The following BAIAP2L1 variants were observed in gnomAD, a reference collection of about 807,000 sequenced individuals.
The protein encoded by BAIAP2L1 is BAR/IMD domain-containing adapter protein 2-like 1.
In BAIAP2L1, 35 loss-of-function variants were observed where a neutral mutation model predicts 66.3. The observed-to-expected ratio is 0.53, with a 90% CI of 0.40 to 0.70. The LOEUF (loss-of-function observed/expected upper bound fraction) is 0.70. BAIAP2L1 is among the 30% of genes least tolerant of loss of function. BAIAP2L1 has a pLI of 0.00. For missense variants in BAIAP2L1, 622 were observed against 656.9 expected, an observed-to-expected ratio of 0.95 and a Z score of 0.58; for synonymous variants, 269 against 248.7, an observed-to-expected ratio of 1.08 and a Z score of -0.77.
At chr7:98,299,252 C>T (rs1357613541) in intron 12 of BAIAP2L1, among the ~76,000 whole-genome samples, 2 of 152,230 alleles carry the variant, frequency 1.3e-5, no homozygotes, top group African/African-American at 4.8e-5. Flanking sequence ...CTCTTGACAT[C>T]AGGTGATCCA....
intron 3 of BAIAP2L1, among the ~76,000 whole-genome samples, chr7:98,338,770 T>C (rs1002573358): frequency 2.6e-5 from 4 of 152,102 alleles, no homozygotes; most frequent in Non-Finnish European, 5.9e-5. Context: ...GCTCTGAACA[T>C]TTGTGGTCAA....
At chr7:98,364,578 C>T (rs978968121) in intron 1 of BAIAP2L1, among the ~76,000 whole-genome samples, 25 of 151,844 alleles carry the variant, frequency 1.6e-4, no homozygotes, top group African/African-American at 5.6e-4. Flanking sequence ...AGAACTAATG[C>T]GTGAGAGGTA....
In BAIAP2L1 at chr7:98,320,046, C is replaced by G. The variant is rs745991682; in HGVS notation, c.348+12G>C. ...GCCCAAGGCTGGGGCTGGAGGAAAA[C>G]CATGCACTTACGTTCATATATTTCA... On this transcript the variant is annotated intron_variant, in intron 5 of 13. Coordinates refer to ENST00000005260, the MANE Select transcript of BAIAP2L1 (RefSeq NM_018842.5). The G allele has an allele frequency of 6.2e-7, 1 of 1,609,684 alleles. No individual in the cohort carries two copies. Among genetic ancestry groups the G allele is most frequent in the Non-Finnish European group, 8.5e-7 (1 of 1,177,446 alleles).
At chr7:98,374,504 C>CT (rs1464743729) in intron 1 of BAIAP2L1, among the ~76,000 whole-genome samples, 2 of 152,120 alleles carry the variant, frequency 1.3e-5, no homozygotes, top group African/African-American at 4.8e-5. Context: ...CCCTACTGTC[C>CT]TTTGCCTTAG....
chr7:98,398,804 AG>A (rs1247723608), intron 1 of BAIAP2L1, among the ~76,000 whole-genome samples: 1 of 152,182 alleles, frequency 6.6e-6, no homozygotes, highest in Non-Finnish European at 1.5e-5. Flanking sequence ...GAAAAAAAGC[AG>A]GGTTTAACTC....
chr7:98,358,458 A>G lies in BAIAP2L1; in HGVS notation c.128-3330T>C, dbSNP rs565455292. 4.6e-5 allele frequency among the ~76,000 whole-genome samples: 7 copies of G among 152,108 alleles called. No individual in the cohort carries two copies. The East Asian group carries it at 1.4e-3, about 29-fold the overall frequency. On this transcript the variant is annotated intron_variant, in intron 2 of 13. Transcript: ENST00000005260. The stretch of plus-strand genomic sequence containing the variant: ...CTGCAGCCTCCACCTCCTGGACTCA[A>G]GCCATCCTCCCACCTCAGCCTCCTG...
rs1345291715 is a variant in BAIAP2L1 at position 98,400,591 on chromosome 7, G to A, written c.51+211C>T. 1.2e-4 allele frequency among the ~76,000 whole-genome samples: 17 copies of A among 137,092 alleles called. 1 individual carries two copies. The highest frequency in any genetic ancestry group is 4.4e-4 in the African/African-American group (16 of 36,346). The allele number at this position is 137,092 out of a possible 152,430, so 89.9% of individuals were successfully genotyped here. On this transcript the variant is annotated intron_variant, in intron 1 of 13. Coordinates refer to ENST00000005260, the MANE Select transcript of BAIAP2L1 (RefSeq NM_018842.5). ...AGGAGGAGGAAAAGTAGGGGGGAGG[G>A]GATGGGGAGGGACTGGGAGGAAGGA...
At chr7:98,312,353 A>C in intron 7 of BAIAP2L1, 89 bp from the exon 8 acceptor site, 1 of 1,400,310 alleles carries the variant, frequency 7.1e-7, no homozygotes, top group Non-Finnish European at 9.6e-7. Flanking sequence ...CTGATAACAG[A>C]TTACTGGCTT....
chr7:98,374,529 T>C (rs182181661), intron 1 of BAIAP2L1, among the ~76,000 whole-genome samples: 108 of 152,298 alleles, frequency 7.1e-4, no homozygotes, highest in Admixed American at 5.7e-3. Flanking sequence ...CAATAGTTCC[T>C]TCAAATGAAT....
rs146240604 is a variant in BAIAP2L1, at chr7:98,327,055, C to A, written c.215-6757G>T. ...ACAATCTGAATCTAATCAGGGAGAT[C>A]TGGTATTTGAAAGTGAGGATCCCGG... is the stretch of plus-strand genomic sequence containing the variant. On this transcript the variant is annotated intron_variant, in intron 3 of 13. Coordinates refer to ENST00000005260, the MANE Select transcript of BAIAP2L1 (RefSeq NM_018842.5). Among the ~76,000 whole-genome samples, 16 of 152,216 alleles carry A rather than the reference C, an allele frequency of 1.1e-4. No homozygotes were observed. In the East Asian group the frequency reaches 2.7e-3, roughly 26 times the overall value.
At chr7:98,325,124 C>T (rs375225498) in intron 3 of BAIAP2L1, among the ~76,000 whole-genome samples, 2 of 152,190 alleles carry the variant, frequency 1.3e-5, no homozygotes, top group Admixed American at 1.3e-4. Flanking sequence ...GTGGCTCACG[C>T]CTGTAATCCT....
At chr7:98,397,170 G>A (rs899744537) in intron 1 of BAIAP2L1, among the ~76,000 whole-genome samples, 20 of 152,024 alleles carry the variant, frequency 1.3e-4, no homozygotes, top group Non-Finnish European at 1.3e-4. Context: ...GGATGGAGGC[G>A]TCTGCAATCT....
Position 98,335,347 on chromosome 7 carries a change from C to T in BAIAP2L1, c.215-15049G>A, listed in dbSNP as rs11979500. On this transcript the variant is annotated intron_variant, in intron 3 of 13. Transcript: ENST00000005260. The stretch of plus-strand genomic sequence containing the variant: ...GACACTCAGTTTCCCTCCACCCCCA[C>T]ATAGGTGGGATCATCTCTTCCTATG... 8.7e-3 allele frequency among the ~76,000 whole-genome samples: 1,320 copies of T among 152,168 alleles called. 19 individuals are homozygous for T. The highest frequency in any genetic ancestry group is 0.03 in the African/African-American group (1,245 of 41,512).
chr7:98,300,173 C>T (rs1800362063), intron 12 of BAIAP2L1, among the ~76,000 whole-genome samples: 1 of 152,222 alleles, frequency 6.6e-6, no homozygotes, highest in Admixed American at 6.6e-5. Context: ...TCCATCTGTG[C>T]TGCTCGTCTC....
At chr7:98,349,538 C>T (rs1449579622) in intron 3 of BAIAP2L1, among the ~76,000 whole-genome samples, 2 of 152,256 alleles carry the variant, frequency 1.3e-5, no homozygotes, top group East Asian at 3.9e-4. Context: ...ACCTGCCAGC[C>T]ATTCAGACAC....
At chr7:98,370,723 G>A (rs376111445) in intron 1 of BAIAP2L1, among the ~76,000 whole-genome samples, 18 of 149,572 alleles carry the variant, frequency 1.2e-4, no homozygotes, top group Admixed American at 7.9e-4. Flanking sequence ...GGATGGTCTC[G>A]ATCTCCTGAC....
intron 3 of BAIAP2L1, among the ~76,000 whole-genome samples, chr7:98,354,036 C>T (rs1046751052): frequency 1.3e-5 from 2 of 152,068 alleles, no homozygotes; most frequent in Non-Finnish European, 2.9e-5. Flanking sequence ...ATCGCTTTCT[C>T]GCAGTACTGA....
At chr7:98,325,508 T>C (rs911240517) in intron 3 of BAIAP2L1, among the ~76,000 whole-genome samples, 4 of 151,988 alleles carry the variant, frequency 2.6e-5, no homozygotes, top group African/African-American at 7.3e-5. Flanking sequence ...GAAAACTCCA[T>C]CTCTACTAAA....
intron 1 of BAIAP2L1, among the ~76,000 whole-genome samples, chr7:98,363,252 C>T (rs1802315670): frequency 1.3e-5 from 2 of 151,956 alleles, no homozygotes; most frequent in African/African-American, 2.4e-5. Context: ...CCAGGCTGGT[C>T]TCGAACTCCT....
Sources: allele counts gnomAD v4.1 joint callset (sites outside exome capture counted in the v4.1 genomes callset), GRCh38; gene constraint gnomAD v4.1.1; transcripts MANE v1.5; gene names NCBI Gene and HGNC (gene_info 2026-07-23, HGNC 2026-07-21).